The following CACNA2D1 variants were observed in gnomAD, a reference collection of about 807,000 sequenced individuals.
The protein encoded by CACNA2D1 is voltage-dependent calcium channel subunit alpha-2/delta-1.
A neutral mutation model predicts 171.5 loss-of-function variants in CACNA2D1; 53 were observed. The ratio of observed to expected loss-of-function variants is 0.31; its 90% confidence interval spans 0.25 to 0.39. The LOEUF is 0.39. CACNA2D1 is among the 10% of genes least tolerant of loss of function. CACNA2D1 has a pLI of 1.00. For missense variants in CACNA2D1, 903 were observed against 1,299.8 expected, an observed-to-expected ratio of 0.69 and a Z score of 4.69; for synonymous variants, 442 against 443.1, an observed-to-expected ratio of 1.00 and a Z score of 0.03.
intron 4 of CACNA2D1, among the ~76,000 whole-genome samples, chr7:82,139,959 A>ATTG (rs1357696604): frequency 6.7e-5 from 10 of 148,864 alleles, no homozygotes; most frequent in African/African-American, 2.5e-4. Context: ...TATTATTATT[A>ATTG]TTATTATTAT....
chr7:82,008,506 A>G (rs192789731), intron 15 of CACNA2D1, among the ~76,000 whole-genome samples: 1 of 152,252 alleles, frequency 6.6e-6, no homozygotes, highest in East Asian at 1.9e-4. Flanking sequence ...AGATTAGTCA[A>G]AATAAACTGA....
At chr7:82,187,966 T>A (rs903123440) in intron 3 of CACNA2D1, among the ~76,000 whole-genome samples, 1 of 152,160 alleles carries the variant, frequency 6.6e-6, no homozygotes, top group South Asian at 2.1e-4. Flanking sequence ...GAGACAGACA[T>A]GAATTCTAAT....
chr7:82,219,147 T>C (rs778434212), intron 3 of CACNA2D1, among the ~76,000 whole-genome samples: 12 of 152,144 alleles, frequency 7.9e-5, no homozygotes, highest in Non-Finnish European at 1.5e-4. Context: ...AACACTTGTC[T>C]AAAATGCATT....
At chr7:82,113,552 C>A (rs914728832) in intron 6 of CACNA2D1, among the ~76,000 whole-genome samples, 6 of 152,046 alleles carry the variant, frequency 3.9e-5, no homozygotes, top group Non-Finnish European at 4.4e-5. Flanking sequence ...CATTTCAATT[C>A]AAGGGACTTT....
intron 12 of CACNA2D1, chr7:82,021,009 A>C (rs1355901869): frequency 6.6e-6 from 1 of 152,178 alleles, no homozygotes; most frequent in Non-Finnish European, 1.5e-5. Context: ...GGTGTATGAC[A>C]TATTTTCATA....
intron 1 of CACNA2D1, among the ~76,000 whole-genome samples, chr7:82,443,118 G>A (rs1585983514): frequency 6.6e-6 from 1 of 152,082 alleles, no homozygotes; most frequent in East Asian, 1.9e-4. Context: ...GTCGGCGGGC[G>A]CTTCCCGGGA....
intron 3 of CACNA2D1, among the ~76,000 whole-genome samples, chr7:82,200,592 T>G (rs1799310000): frequency 2.0e-5 from 3 of 152,156 alleles, no homozygotes. Context: ...TTTTTTTGTG[T>G]TTTCTGTTCA....
At chr7:82,184,915 G>C (rs548627531) in intron 3 of CACNA2D1, among the ~76,000 whole-genome samples, 125 of 152,202 alleles carry the variant, frequency 8.2e-4, no homozygotes, top group African/African-American at 2.9e-3. Context: ...TACAAACTTA[G>C]TACATACTCC....
chr7:82,151,057 T>C (rs1161072643), intron 4 of CACNA2D1, among the ~76,000 whole-genome samples: 2 of 152,158 alleles, frequency 1.3e-5, no homozygotes, highest in Non-Finnish European at 2.9e-5. Context: ...ACATGCATAA[T>C]TGTTAAAATG....
chr7:82,051,831 C>T (rs1346283971), intron 10 of CACNA2D1, among the ~76,000 whole-genome samples: 1 of 152,164 alleles, frequency 6.6e-6, no homozygotes, highest in African/African-American at 2.4e-5. Flanking sequence ...CTATCATCTA[C>T]CACTGACTCC....
intron 3 of CACNA2D1, among the ~76,000 whole-genome samples, chr7:82,287,823 CTTGT>C (rs995102462): frequency 2.7e-5 from 4 of 150,676 alleles, no homozygotes; most frequent in Admixed American, 1.3e-4. Context: ...AAGAATAGGG[CTTGT>C]TTATCTCCTT....
chr7:82,094,280 G>C (rs1811594847), intron 6 of CACNA2D1, among the ~76,000 whole-genome samples: 1 of 151,984 alleles, frequency 6.6e-6, no homozygotes, highest in Non-Finnish European at 1.5e-5. Context: ...TTGAACTACA[G>C]ATTAATACCG....
At chr7:82,107,392 T>C (rs549893567) in intron 6 of CACNA2D1, among the ~76,000 whole-genome samples, 3 of 152,152 alleles carry the variant, frequency 2.0e-5, no homozygotes, top group Non-Finnish European at 4.4e-5. Context: ...CCCTAAGTTA[T>C]CCAGACAGGT....
chr7:82,086,821 T>C (rs1810535919), intron 6 of CACNA2D1, among the ~76,000 whole-genome samples: 1 of 152,150 alleles, frequency 6.6e-6, no homozygotes, highest in South Asian at 2.1e-4. Context: ...TTTTTCTTAG[T>C]TTTGTTTGAT....
chr7:82,328,579 C>T (rs916318287), intron 3 of CACNA2D1, among the ~76,000 whole-genome samples: 4 of 152,122 alleles, frequency 2.6e-5, no homozygotes. Flanking sequence ...TGCATGACCT[C>T]GATCTTCTCT....
chr7:82,345,681 AGT>A (rs3054696), intron 2 of CACNA2D1, among the ~76,000 whole-genome samples: 8,332 of 146,292 alleles, frequency 0.057, 324 homozygotes, highest in African/African-American at 0.12. Flanking sequence ...TAGCTAAAGG[AGT>A]GTGTGTGTGT....
chr7:82,037,774 TA>T (rs1390856833), intron 11 of CACNA2D1, among the ~76,000 whole-genome samples: 1 of 152,216 alleles, frequency 6.6e-6, no homozygotes, highest in African/African-American at 2.4e-5. Flanking sequence ...AAAGTAATGA[TA>T]TTCTATATAG....
At chr7:82,242,861 T>A (rs1804481055) in intron 3 of CACNA2D1, among the ~76,000 whole-genome samples, 1 of 152,028 alleles carries the variant, frequency 6.6e-6, no homozygotes, top group South Asian at 2.1e-4. Context: ...CAAGAAAAAA[T>A]GTATTTTGTT....
At chr7:82,254,732 A>C (rs1299949364) in intron 3 of CACNA2D1, among the ~76,000 whole-genome samples, 1 of 152,188 alleles carries the variant, frequency 6.6e-6, no homozygotes, top group East Asian at 1.9e-4. Flanking sequence ...CATCAAAAGT[A>C]TGACATTTTA....
Sources: gnomAD v4.1 joint callset for allele counts (sites outside exome capture counted in the v4.1 genomes callset) on GRCh38, gnomAD v4.1.1 for gene constraint, MANE v1.5 for transcripts, NCBI Gene and HGNC (gene_info 2026-07-23, HGNC 2026-07-21) for gene names.